Variants in EHBP1 observed in about 807,000 individuals in gnomAD.
The protein encoded by EHBP1 is EH domain-binding protein 1.
In EHBP1, 55 loss-of-function variants were observed where a neutral mutation model predicts 144.0. The ratio of observed to expected loss-of-function variants is 0.38; its 90% CI spans 0.31 to 0.48. EHBP1 has a LOEUF of 0.48. EHBP1 is among the 20% of genes least tolerant of loss of function. EHBP1 has a pLI of 0.98. For missense variants in EHBP1, 1,200 were observed against 1,364.2 expected (o/e 0.88, Z 1.90); for synonymous variants, 469 against 472.7 (o/e 0.99, Z 0.10).
chr2:62,953,141 C>T (rs893625355), intron 13 of EHBP1, among the ~76,000 whole-genome samples: 7 of 147,030 alleles, frequency 4.8e-5, no homozygotes, highest in South Asian at 2.2e-4. Flanking sequence ...TGCTTGAACC[C>T]GGGAGGCGGA....
chr2:62,837,326 G>C (rs1488080857), intron 7 of EHBP1, among the ~76,000 whole-genome samples: 3 of 144,514 alleles, frequency 2.1e-5, no homozygotes, highest in African/African-American at 7.7e-5. Context: ...CCCTAAAAGA[G>C]CTCCTGAAGG....
At chr2:62,928,031 T>G (rs181707228) in intron 10 of EHBP1, among the ~76,000 whole-genome samples, 2 of 152,146 alleles carry the variant, frequency 1.3e-5, no homozygotes, top group East Asian at 3.9e-4. Flanking sequence ...ACAAAAGACT[T>G]AGAGAAAAAT....
intron 2 of EHBP1, among the ~76,000 whole-genome samples, chr2:62,726,939 T>G (rs1319001114): frequency 1.3e-5 from 2 of 152,110 alleles, no homozygotes; most frequent in African/African-American, 4.8e-5. Context: ...CTCGGCTCAC[T>G]GCGACTTCCA....
At chr2:62,950,002 G>A (rs1438139592) in intron 13 of EHBP1, among the ~76,000 whole-genome samples, 1 of 152,112 alleles carries the variant, frequency 6.6e-6, no homozygotes, top group Non-Finnish European at 1.5e-5. Flanking sequence ...TATTTGATCA[G>A]ATAACACTCG....
chr2:62,962,021 C>G (rs2058027091), intron 14 of EHBP1, among the ~76,000 whole-genome samples: 2 of 152,136 alleles, frequency 1.3e-5, no homozygotes, highest in Admixed American at 1.3e-4. Context: ...GAGCAAGACT[C>G]TGTCTCAAAA....
chr2:62,848,723 A>G (rs182790431), intron 7 of EHBP1, among the ~76,000 whole-genome samples: 54 of 152,366 alleles, frequency 3.5e-4, no homozygotes, highest in Non-Finnish European at 5.6e-4. Context: ...AGAAAAGGCA[A>G]AACTATTTTA....
At chr2:63,011,187 T>A (rs2060252245) in intron 19 of EHBP1, among the ~76,000 whole-genome samples, 1 of 147,892 alleles carries the variant, frequency 6.8e-6, no homozygotes, top group Non-Finnish European at 1.5e-5. Flanking sequence ...AACATTCACA[T>A]GGGCACGTTG....
At chr2:62,820,481 C>A (rs2045852221) in intron 5 of EHBP1, among the ~76,000 whole-genome samples, 1 of 151,130 alleles carries the variant, frequency 6.6e-6, no homozygotes, top group East Asian at 1.9e-4. Context: ...TTTTCATCAT[C>A]CCAAGTAGAA....
rs1042334753 is a variant in EHBP1 at position 62,766,997 on chromosome 2, A to G, written c.258+2636A>G. Among the ~76,000 whole-genome samples, 5 of 150,248 alleles carry G rather than the reference A, an allele frequency of 3.3e-5. No individual in the cohort carries two copies. The South Asian group carries it at 8.5e-4, about 25-fold the overall frequency. On this transcript the variant is annotated intron_variant, in intron 4 of 22. Coordinates refer to ENST00000431489, the MANE Select transcript of EHBP1 (RefSeq NM_001142616.3). The stretch of plus-strand genomic sequence containing the variant: ...AAAAAAAAAGGTTGCATTTGGTTGT[A>G]AGATCCATTACCCTTTCTCAGGTTT...
intron 20 of EHBP1, among the ~76,000 whole-genome samples, chr2:63,038,499 G>A (rs2061534310): frequency 6.6e-6 from 1 of 152,088 alleles, no homozygotes; most frequent in Non-Finnish European, 1.5e-5. Flanking sequence ...AATGAAGAAA[G>A]TGAGTAATTA....
At chr2:62,859,771 A>G (rs1261212364) in intron 8 of EHBP1, among the ~76,000 whole-genome samples, 1 of 152,190 alleles carries the variant, frequency 6.6e-6, no homozygotes, top group Non-Finnish European at 1.5e-5. Context: ...ATATATATAC[A>G]GCATACTTGT....
chr2:62,710,309 T>C (rs935398495), intron 2 of EHBP1, among the ~76,000 whole-genome samples: 1 of 152,056 alleles, frequency 6.6e-6, no homozygotes, highest in East Asian at 1.9e-4. Flanking sequence ...ACATGAATCA[T>C]TATGTATGAA....
At chr2:62,751,200 T>C (rs1171787521) in intron 3 of EHBP1, among the ~76,000 whole-genome samples, 1 of 152,240 alleles carries the variant, frequency 6.6e-6, no homozygotes, top group East Asian at 1.9e-4. Context: ...TGAAGGGCTG[T>C]TGAATTTTGT....
At chr2:62,821,329 A>C (rs749344751) in intron 5 of EHBP1, among the ~76,000 whole-genome samples, 15 of 152,200 alleles carry the variant, frequency 9.9e-5, no homozygotes, top group Non-Finnish European at 1.9e-4. Flanking sequence ...CATACAATGA[A>C]CTATTATTCT....
intron 10 of EHBP1, among the ~76,000 whole-genome samples, chr2:62,923,142 GC>G (rs1404919468): frequency 6.6e-6 from 1 of 152,138 alleles, no homozygotes; most frequent in African/African-American, 2.4e-5. Context: ...TAACACTGGG[GC>G]TCCATCTTCA....
rs1435350834 is a variant in EHBP1, at chr2:62,923,267, C to A, written c.1186-19451C>A. Among the ~76,000 whole-genome samples, 3 of 152,166 alleles carry A rather than the reference C, an allele frequency of 2.0e-5. No homozygotes were observed. The East Asian group carries it at 5.8e-4, about 29-fold the overall frequency. On this transcript the variant is annotated intron_variant, in intron 10 of 22. Coordinates refer to ENST00000431489, the MANE Select transcript of EHBP1 (RefSeq NM_001142616.3). ...AAGCATGAAAACCAACTCTCACTACCCTCACTTCCAGCCAGAGGAACAGCC... is the reference window on the plus strand; with the variant it reads ...AAGCATGAAAACCAACTCTCACTACACTCACTTCCAGCCAGAGGAACAGCC...
chr2:63,006,764 A>G (rs1350657827), intron 19 of EHBP1, among the ~76,000 whole-genome samples: 1 of 151,802 alleles, frequency 6.6e-6, no homozygotes, highest in Non-Finnish European at 1.5e-5. Flanking sequence ...ATTTTATTTA[A>G]TAAGACTTTT....
At chr2:62,721,639 G>C (rs1425202848) in intron 2 of EHBP1, among the ~76,000 whole-genome samples, 1 of 152,142 alleles carries the variant, frequency 6.6e-6, no homozygotes, top group Non-Finnish European at 1.5e-5. Flanking sequence ...TTCATCAGTA[G>C]ATTTTGCTTG....
rs148696942 is a variant in EHBP1 at position 63,026,685 on chromosome 2, G to A, written c.3104-10850G>A. Reference sequence around the variant, plus strand: ...TCCATTGCCTCAATTGGAATCACAGGTAACTTGTGGTTACCCAAGAAGTGA... The same window carrying A: ...TCCATTGCCTCAATTGGAATCACAGATAACTTGTGGTTACCCAAGAAGTGA... On this transcript the variant is annotated intron_variant, in intron 19 of 22. Transcript: ENST00000431489. Among the ~76,000 whole-genome samples the A allele has an allele frequency of 1.3e-4, 20 of 152,224 alleles. No homozygotes were observed. In the East Asian group the frequency reaches 3.7e-3, roughly 28 times the overall value.
Sources: allele counts gnomAD v4.1 joint callset (sites outside exome capture counted in the v4.1 genomes callset), GRCh38; gene constraint gnomAD v4.1.1; transcripts MANE v1.5; gene names NCBI Gene and HGNC (gene_info 2026-07-23, HGNC 2026-07-21).